SHISA9: variants seen among roughly 807,000 people sequenced by gnomAD.
The protein encoded by SHISA9 is shisa family member 9.
A neutral mutation model predicts 38.0 loss-of-function variants in SHISA9; 13 were observed. The observed-to-expected ratio is 0.34, with a 90% CI of 0.22 to 0.54. The LOEUF (loss-of-function observed/expected upper bound fraction) is 0.54. Among genes scored for constraint, SHISA9 ranks in the 20% least tolerant of loss-of-function variants. The pLI is 0.91. For synonymous variants in SHISA9, 275 were observed against 242.0 expected, an observed-to-expected ratio of 1.14 and a Z score of -1.27; for missense variants, 538 against 575.8, an observed-to-expected ratio of 0.93 and a Z score of 0.67.
At chr16:13,221,457 T>C (rs1175368855) in intron 4 of SHISA9, among the ~76,000 whole-genome samples, 6 of 132,730 alleles carry the variant, frequency 4.5e-5, no homozygotes, top group Non-Finnish European at 9.5e-5. Flanking sequence ...TTTTTTTTTT[T>C]AACAACATGA....
chr16:12,906,316 C>T (rs1319310122), intron 1 of SHISA9, among the ~76,000 whole-genome samples: 3 of 152,198 alleles, frequency 2.0e-5, no homozygotes, highest in African/African-American at 7.2e-5. Context: ...ATAAACTTTG[C>T]CCCTAGTGAC....
the SHISA9 span, among the ~76,000 whole-genome samples, chr16:13,321,669 C>A: frequency 7.9e-5 from 12 of 151,998 alleles, no homozygotes; most frequent in Admixed American, 2.0e-4. Context: ...TTCCTTTTTC[C>A]TTGTGTGTTC....
At chr16:13,075,523 G>T (rs769570412) in intron 2 of SHISA9, among the ~76,000 whole-genome samples, 16 of 152,258 alleles carry the variant, frequency 1.1e-4, no homozygotes, top group Non-Finnish European at 1.9e-4. Context: ...GGGAGGAATG[G>T]TCAGCTAGGG....
chr16:13,419,553 CAT>C, the SHISA9 span, among the ~76,000 whole-genome samples: 7 of 152,268 alleles, frequency 4.6e-5, no homozygotes, highest in East Asian at 1.9e-4. Context: ...AGTTTGAAGA[CAT>C]GTGGGAAGTC....
At chr16:13,112,257 G>A (rs888189833) in intron 2 of SHISA9, among the ~76,000 whole-genome samples, 1 of 151,848 alleles carries the variant, frequency 6.6e-6, no homozygotes, top group Non-Finnish European at 1.5e-5. Flanking sequence ...GTTAATAAGA[G>A]AAATTCAATG....
intron 2 of SHISA9, among the ~76,000 whole-genome samples, chr16:13,087,385 C>G (rs1371811611): frequency 1.3e-5 from 2 of 152,078 alleles, no homozygotes; most frequent in African/African-American, 4.8e-5. Context: ...GTTCTAGATC[C>G]TTGAGGAATC....
chr16:13,030,515 C>G (rs987898486), intron 2 of SHISA9, among the ~76,000 whole-genome samples: 94 of 152,284 alleles, frequency 6.2e-4, no homozygotes, highest in East Asian at 1.2e-3. Context: ...CCCCGTTCCC[C>G]TTTTTGAGAT....
chr16:13,053,199 G>T (rs926163298), intron 2 of SHISA9, among the ~76,000 whole-genome samples: 1 of 151,692 alleles, frequency 6.6e-6, no homozygotes. Flanking sequence ...CTGACCTCCG[G>T]TGATCCGCCC....
chr16:13,527,769 A>G, the SHISA9 span, among the ~76,000 whole-genome samples: 1 of 152,096 alleles, frequency 6.6e-6, no homozygotes, highest in Non-Finnish European at 1.5e-5. Context: ...TTTTGCTTAA[A>G]CAAGCCTGAG....
intron 2 of SHISA9, among the ~76,000 whole-genome samples, chr16:12,990,808 C>T (rs983258976): frequency 6.6e-6 from 1 of 152,170 alleles, no homozygotes; most frequent in African/African-American, 2.4e-5. Context: ...AAACCCCATT[C>T]TTAGATATAC....
intron 2 of SHISA9, among the ~76,000 whole-genome samples, chr16:13,069,928 C>T (rs960650862): frequency 4.6e-5 from 7 of 152,148 alleles, no homozygotes; most frequent in African/African-American, 1.7e-4. Context: ...TCTGCCAGCA[C>T]TTTAATCTTG....
chr16:12,975,662 G>GGGGGGGGGGGGGGGGGGGGGGGGGGC (rs1555451392), intron 2 of SHISA9, among the ~76,000 whole-genome samples: 2 of 142,248 alleles, frequency 1.4e-5, no homozygotes, highest in African/African-American at 5.4e-5. Context: ...GGGGCGGGGG[G>GGGGGGGGGGGGGGGGGGGGGGGGGGC]GGTAAGGGCA....
intron 2 of SHISA9, 178 bp from the exon 3 acceptor site, chr16:13,203,216 C>T: frequency 4.3e-6 from 2 of 462,236 alleles, no homozygotes; most frequent in Non-Finnish European, 7.3e-6. Context: ...CTCATTTGCT[C>T]TCCAGTGAAG....
At chr16:12,916,608 C>G (rs898769485) in intron 1 of SHISA9, 80 bp from the exon 2 acceptor site, 3 of 1,454,220 alleles carry the variant, frequency 2.1e-6, no homozygotes, top group Non-Finnish European at 2.7e-6. Context: ...GCCATTTGTT[C>G]GCGACTGCAG....
the SHISA9 span, among the ~76,000 whole-genome samples, chr16:13,514,152 A>G: frequency 6.6e-6 from 1 of 151,488 alleles, no homozygotes; most frequent in Non-Finnish European, 1.5e-5. Context: ...GCACCACCAC[A>G]CTCGGCTAAT....
intron 2 of SHISA9, among the ~76,000 whole-genome samples, chr16:12,944,759 C>T (rs1028820483): frequency 1.3e-4 from 20 of 152,060 alleles, no homozygotes; most frequent in African/African-American, 3.4e-4. Context: ...TTTGGAAAAA[C>T]GTAGGAATTT....
intron 3 of SHISA9, among the ~76,000 whole-genome samples, chr16:13,204,071 A>G (rs2051035487): frequency 6.6e-6 from 1 of 151,962 alleles, no homozygotes. Context: ...CCATCTACCT[A>G]TCCACTTATC....
the SHISA9 span, among the ~76,000 whole-genome samples, chr16:13,408,798 G>T: frequency 6.6e-6 from 1 of 152,170 alleles, no homozygotes; most frequent in Non-Finnish European, 1.5e-5. Context: ...TTGATATCAA[G>T]ATACCAAGTG....
At chr16:13,122,847 G>T (rs780969090) in intron 2 of SHISA9, among the ~76,000 whole-genome samples, 1 of 152,208 alleles carries the variant, frequency 6.6e-6, no homozygotes, top group African/African-American at 2.4e-5. Context: ...AGGAGTTTGA[G>T]ACAAGCCTGG....
Sources: gnomAD v4.1 joint callset for allele counts (sites outside exome capture counted in the v4.1 genomes callset) on GRCh38, gnomAD v4.1.1 for gene constraint, MANE v1.5 for transcripts, NCBI Gene and HGNC (gene_info 2026-07-23, HGNC 2026-07-21) for gene names.